Variants in DCAF10 observed in about 807,000 individuals in gnomAD.
The protein encoded by DCAF10 is DDB1 and CUL4 associated factor 10.
DCAF10 carries 19 observed loss-of-function variants against 51.9 expected under a neutral mutation model. That is an observed-to-expected ratio of 0.37 (90% confidence interval 0.26 to 0.54). The LOEUF (loss-of-function observed/expected upper bound fraction) is 0.54, where lower values mean the gene tolerates loss of function less well. Ranked by LOEUF, DCAF10 falls within the 20% of genes least tolerant of loss-of-function variation. The pLI, the probability that DCAF10 is intolerant of heterozygous loss-of-function variation, is 0.87. For synonymous variants in DCAF10, 291 were observed against 297.1 expected, an observed-to-expected ratio of 0.98 and a Z score of 0.21; for missense variants, 510 against 730.6, an observed-to-expected ratio of 0.70 and a Z score of 3.48.
At chr9:37,845,182 C>CA (rs1024913717) in intron 3 of DCAF10, among the ~76,000 whole-genome samples, 10 of 151,792 alleles carry the variant, frequency 6.6e-5, no homozygotes, top group African/African-American at 1.9e-4. Context: ...GCATCTTACT[C>CA]AAAAAACTGG....
chr9:37,826,221 T>C lies in DCAF10; in HGVS notation c.653+6820T>C, dbSNP rs147077871. ...ATAAAAATCAGGAGGGCAACCCCAG[T>C]AGAAAAATGAGCAAAGGATATGGAC... On this transcript the variant is annotated intron_variant, in intron 2 of 6. Coordinates refer to ENST00000377724, the MANE Select transcript of DCAF10 (RefSeq NM_024345.5). Among the ~76,000 whole-genome samples the C allele has an allele frequency of 5.3e-3, 812 of 152,066 alleles. 26 individuals are homozygous for C. The highest frequency in any genetic ancestry group is 0.048 in the Admixed American group (731 of 15,274).
chr9:37,849,926 G>A (rs763508932), intron 3 of DCAF10, among the ~76,000 whole-genome samples: 5 of 152,044 alleles, frequency 3.3e-5, no homozygotes, highest in Admixed American at 1.3e-4. Context: ...AGGTGTGGCC[G>A]TGTGTGCCTG....
In DCAF10 at chr9:37,801,108, C is replaced by T. The variant is rs1323041989; in HGVS notation, c.242C>T (p.Thr81Ile). ...CTGCCTGGAGCTCCGGAGTCCTCAACTGCCTCCGCCCCGGGAGAGCCGTCA... is the reference window on the plus strand; with the variant it reads ...CTGCCTGGAGCTCCGGAGTCCTCAATTGCCTCCGCCCCGGGAGAGCCGTCA... ...LGLPGAPESS[T>I]ASAPGEPSPP... is the part of the protein sequence containing the mutation. The change falls in exon 1 of 7, where the codon ACT becomes ATT. Residue 81 changes from threonine (T) to isoleucine (I), a missense_variant. Transcript: ENST00000377724. This position sits in a 1 kb window ranked among gnomAD's most constrained non-coding sequence, Gnocchi z 5.5. The T allele has an allele frequency of 2.0e-6, 3 of 1,535,456 alleles. No homozygotes were observed. Among genetic ancestry groups the T allele is most frequent in the African/African-American group, 1.4e-5 (1 of 70,794 alleles).
intron 2 of DCAF10, among the ~76,000 whole-genome samples, chr9:37,831,173 C>T (rs1416592775): frequency 6.6e-6 from 1 of 152,042 alleles, no homozygotes; most frequent in African/African-American, 2.4e-5. Flanking sequence ...GCCGAGATCG[C>T]GCCACTGCAC....
intron 1 of DCAF10, among the ~76,000 whole-genome samples, chr9:37,803,397 C>G (rs1029427481): frequency 4.0e-5 from 6 of 151,616 alleles, no homozygotes; most frequent in Admixed American, 1.3e-4. Context: ...TAAATAAAAC[C>G]TCTTTGAACA....
chr9:37,800,839 C>G lies in DCAF10; in HGVS notation c.-28C>G, dbSNP rs1828896188. The G allele has an allele frequency of 6.7e-7, 1 of 1,486,590 alleles. No homozygotes were observed. Among genetic ancestry groups the G allele is most frequent in the Non-Finnish European group, 8.9e-7 (1 of 1,124,994 alleles). The allele number at this position is 1,486,590 out of a possible 1,614,324, so 92.1% of individuals were successfully genotyped here. A position where few individuals can be genotyped will look rare whatever the true frequency, so the allele number is the denominator to read the frequency against. ...GAGGTGTCGGCCGGCGGGGCAGTGG[C>G]CCGGAGCGGGGGGCGGGGGCGTTGA... On this transcript the variant is annotated 5_prime_UTR_variant, in exon 1 of 7. Transcript: ENST00000377724.
At chr9:37,812,488 T>C (rs993034720) in intron 1 of DCAF10, among the ~76,000 whole-genome samples, 2 of 146,726 alleles carry the variant, frequency 1.4e-5, no homozygotes, top group Non-Finnish European at 3.1e-5. Flanking sequence ...CAGACAAATA[T>C]TGAGAGAATT....
At chr9:37,843,048 C>T (rs1564042991) in intron 3 of DCAF10, among the ~76,000 whole-genome samples, 4 of 152,182 alleles carry the variant, frequency 2.6e-5, no homozygotes, top group Admixed American at 2.0e-4. Context: ...GACAGGGTCT[C>T]GCATTGTCAC....
rs551239466 is a variant in DCAF10, at chr9:37,860,518, A to G, written c.1311+325A>G. On this transcript the variant is annotated intron_variant, in intron 6 of 6. Transcript: ENST00000377724. ...AAACAAACAAACAAACAAACAAACA[A>G]AAACCCCTTGTATAATAAACATAGG... The G allele has an allele frequency of 1.9e-3, 448 of 233,906 alleles. 3 individuals are homozygous for G. Among genetic ancestry groups the G allele is most frequent in the African/African-American group, 9.4e-3 (411 of 43,604 alleles). 14.5% of individuals were successfully genotyped at this position (233,906 alleles called of 1,614,324 possible). A position where few individuals can be genotyped will look rare whatever the true frequency, so the allele number is the denominator to read the frequency against.
intron 2 of DCAF10, chr9:37,836,258 C>T: frequency 1.3e-6 from 2 of 1,567,220 alleles, no homozygotes. Context: ...CAGCAGATGT[C>T]TACGTGGAAT....
intron 2 of DCAF10, among the ~76,000 whole-genome samples, chr9:37,835,028 A>G (rs1830114417): frequency 6.6e-6 from 1 of 152,166 alleles, no homozygotes; most frequent in Admixed American, 6.5e-5. Flanking sequence ...TCAAGAGATC[A>G]GCTGGCCTCG....
chr9:37,848,972 C>CA (rs11421562), intron 3 of DCAF10, among the ~76,000 whole-genome samples: 1,172 of 84,038 alleles, frequency 0.014, 7 homozygotes, highest in African/African-American at 0.018. Flanking sequence ...GACTCTGTCT[C>CA]AAAAAAAAAA....
chr9:37,835,037 C>T (rs1002059382), intron 2 of DCAF10, among the ~76,000 whole-genome samples: 1 of 152,096 alleles, frequency 6.6e-6, no homozygotes, highest in South Asian at 2.1e-4. Flanking sequence ...CAGCTGGCCT[C>T]GGCCTCCCAT....
At position 37,834,794 on chromosome 9, in the gene DCAF10, C is replaced by CTTTTTT. The variant is rs372584446; in HGVS notation, c.654-7289_654-7284dup. ...TGTACGTATTTTTCTCAATCACGTA[C>CTTTTTT]TTTTTTTTTTTGAGACAGGGTTTCA... On this transcript the variant is annotated intron_variant, in intron 2 of 6. Transcript: ENST00000377724. 5.8e-4 allele frequency among the ~76,000 whole-genome samples: 83 copies of CTTTTTT among 144,262 alleles called. 4 individuals carry two copies. The highest frequency in any genetic ancestry group is 9.4e-4 in the Non-Finnish European group (62 of 66,014). The allele number at this position is 144,262 out of a possible 152,430, so 94.6% of individuals were successfully genotyped here.
chr9:37,804,640 G>C (rs958908515), intron 1 of DCAF10, among the ~76,000 whole-genome samples: 2 of 152,054 alleles, frequency 1.3e-5, no homozygotes, highest in Admixed American at 1.3e-4. Flanking sequence ...GCCGAGCGTG[G>C]TGGTGCATGC....
In DCAF10 at chr9:37,861,207, G is replaced by A; in HGVS notation, c.1379G>A (p.Arg460Gln). The change falls in exon 7 of 7, where the codon CGA becomes CAA. Residue 460 changes from arginine (R) to glutamine (Q), a missense_variant. Arg to Gln is a conservative substitution (Grantham distance 43, BLOSUM62 1). This residue lies in a region of DCAF10 where 104 missense variants were observed against 206.2 expected (regional missense o/e 0.50). Transcript: ENST00000377724. This position sits in a 1 kb window ranked among gnomAD's most constrained non-coding sequence, Gnocchi z 4.9. ...VRPVSPRCSL[R>Q]LTHYIEEANV... ...CCTGTCTCACCTCGCTGTTCTCTAC[G>A]ACTGACTCATTACATTGAAGAAGCC... 1 of 1,613,748 alleles carries A rather than the reference G, an allele frequency of 6.2e-7. No homozygotes were observed. The highest frequency in any genetic ancestry group is 8.5e-7 in the Non-Finnish European group (1 of 1,179,746).
At chr9:37,831,047 AC>A (rs755128020) in intron 2 of DCAF10, among the ~76,000 whole-genome samples, 1 of 152,064 alleles carries the variant, frequency 6.6e-6, no homozygotes, top group Non-Finnish European at 1.5e-5. Flanking sequence ...ACATGGTGAA[AC>A]CCCGTCTCTA....
At chr9:37,823,620 A>C (rs1368090545) in intron 2 of DCAF10, among the ~76,000 whole-genome samples, 1 of 152,144 alleles carries the variant, frequency 6.6e-6, no homozygotes, top group Non-Finnish European at 1.5e-5. Context: ...TGTAAAACAA[A>C]ATAAAAACTA....
At chr9:37,809,626 G>T (rs1297596690) in intron 1 of DCAF10, among the ~76,000 whole-genome samples, 1 of 152,152 alleles carries the variant, frequency 6.6e-6, no homozygotes, top group Non-Finnish European at 1.5e-5. Flanking sequence ...CTGAGGTCAG[G>T]AGTTCGAGAC....
Sources: gnomAD v4.1 joint callset for allele counts (sites outside exome capture counted in the v4.1 genomes callset) on GRCh38, gnomAD v4.1.1 for gene constraint, gnomAD v4.1.1 regional missense constraint, Gnocchi (gnomAD v3.1) non-coding constraint, MANE v1.5 for transcripts, NCBI Gene and HGNC (gene_info 2026-07-23, HGNC 2026-07-21) for gene names.